The following PJA2 variants were observed in gnomAD, a reference collection of about 807,000 sequenced individuals.
PJA2 encodes the protein E3 ubiquitin-protein ligase Praja-2.
PJA2 carries 25 observed loss-of-function variants against 69.3 expected under a neutral mutation model. That is an observed-to-expected ratio of 0.36 (90% CI 0.26 to 0.50). The LOEUF is 0.50. PJA2 is among the 20% of genes least tolerant of loss of function. PJA2 has a pLI of 0.96. For missense variants in PJA2, 809 were observed against 830.2 expected, an observed-to-expected ratio of 0.97 and a Z score of 0.31; for synonymous variants, 308 against 277.8, an observed-to-expected ratio of 1.11 and a Z score of -1.08.
intron 1 of PJA2, among the ~76,000 whole-genome samples, chr5:109,397,994 T>C (rs936734354): frequency 1.3e-5 from 2 of 152,026 alleles, no homozygotes; most frequent in African/African-American, 4.8e-5. Flanking sequence ...GGGTGAAGGA[T>C]AGGAACAGAC....
rs1747384721 is a variant in PJA2, at chr5:109,395,420, T to C, written c.-87-11900A>G. 1.3e-5 allele frequency among the ~76,000 whole-genome samples: 2 copies of C among 152,022 alleles called. 1 individual carries two copies. Among genetic ancestry groups the C allele is most frequent in the Non-Finnish European group, 2.9e-5 (2 of 68,000 alleles). The stretch of plus-strand genomic sequence containing the variant: ...GGCGTGTGCTGTAGTCCCAGCTACA[T>C]GCGAGGCTGAGGTGGGAGGTCACGT... On this transcript the variant is annotated intron_variant, in intron 1 of 9. Coordinates refer to ENST00000361189, the MANE Select transcript of PJA2 (RefSeq NM_014819.5).
intron 4 of PJA2, among the ~76,000 whole-genome samples, chr5:109,369,876 T>C (rs1051494669): frequency 2.6e-5 from 4 of 151,920 alleles, no homozygotes; most frequent in Admixed American, 6.6e-5. Flanking sequence ...CTACTAAAAA[T>C]ACAAAATTAG....
At chr5:109,386,574 A>T (rs1747163141) in intron 1 of PJA2, among the ~76,000 whole-genome samples, 1 of 152,114 alleles carries the variant, frequency 6.6e-6, no homozygotes, top group African/African-American at 2.4e-5. Context: ...TTAATCAGCT[A>T]CTTCTGTGGA....
intron 1 of PJA2, among the ~76,000 whole-genome samples, chr5:109,395,309 G>C (rs1747382447): frequency 6.6e-6 from 1 of 152,094 alleles, no homozygotes; most frequent in Non-Finnish European, 1.5e-5. Context: ...AAGGTGGATA[G>C]TTTGAGCCCA....
intron 7 of PJA2, among the ~76,000 whole-genome samples, chr5:109,354,499 CA>C (rs1472808908): frequency 1.2e-5 from 1 of 85,198 alleles, no homozygotes; most frequent in African/African-American, 5.1e-5. Context: ...TCTATAATAT[CA>C]TAGATATCTA....
intron 7 of PJA2, among the ~76,000 whole-genome samples, chr5:109,354,462 T>C (rs1762368308): frequency 9.4e-6 from 1 of 106,250 alleles, no homozygotes; most frequent in Non-Finnish European, 2.2e-5. Context: ...ATATCTATGA[T>C]ATCTAGAGAT....
rs1453970597 is a variant in PJA2 at position 109,356,002 on chromosome 5, T to C, written c.1677A>G (p.Gly559=). Residue 559 remains glycine, a synonymous_variant, in exon 7 of 10, where the codon GGA becomes GGG. Coordinates refer to ENST00000361189, the MANE Select transcript of PJA2 (RefSeq NM_014819.5). ...ATGAAATAGCTTCAGCAACTCCTAG[T>C]CCATCTGCAAAGCCATCAAATAGGC... The part of the protein sequence containing the change: ...DWSLFDGFAD[G]LGVAEAISYV... 7.4e-6 allele frequency: 12 copies of C among 1,611,828 alleles called. No individual in the cohort carries two copies. The highest frequency in any genetic ancestry group is 1.0e-5 in the Non-Finnish European group (12 of 1,179,518).
At position 109,353,086 on chromosome 5, in the gene PJA2, A is replaced by G. The variant is rs190359687; in HGVS notation, c.1764+2829T>C. On this transcript the variant is annotated intron_variant, in intron 7 of 9. Transcript: ENST00000361189. Reference sequence around the variant, plus strand: ...TATATTAGATACCTATTATATCTATAGACATCTATATATTAGATACCTATA... The same window carrying G: ...TATATTAGATACCTATTATATCTATGGACATCTATATATTAGATACCTATA... Among the ~76,000 whole-genome samples, 132 of 145,996 alleles carry G rather than the reference A, an allele frequency of 9.0e-4. 1 individual carries two copies. The highest frequency in any genetic ancestry group is 7.8e-3 in the Admixed American group (112 of 14,430).
chr5:109,356,071 T>G, intron 6 of PJA2, 45 bp from the exon 7 acceptor site: 1 of 1,311,134 alleles, frequency 7.6e-7, no homozygotes, highest in Non-Finnish European at 1.1e-6. Flanking sequence ...CACTATGATT[T>G]GGGAAATCTT....
chr5:109,378,556 C>T lies in PJA2; in HGVS notation c.931G>A (p.Glu311Lys). Residue 311 changes from glutamate to lysine, a missense_variant, in exon 4 of 10, where the codon GAA becomes AAA. Coordinates refer to ENST00000361189, the MANE Select transcript of PJA2 (RefSeq NM_014819.5). ...CTAACTTTTGGCCTCACTACCTGTT[C>T]AGGAGAACTTCCATGGTTCTTTTCC... The part of the protein sequence containing the change: ...DREKNHGSSP[E>K]QVVRPKVRKL... 6.2e-7 allele frequency: 1 copy of T among 1,614,158 alleles called. No homozygotes were observed. The highest frequency in any genetic ancestry group is 8.5e-7 in the Non-Finnish European group (1 of 1,180,022).
In PJA2 at chr5:109,378,312, T is replaced by C. The variant is rs1746942152; in HGVS notation, c.1175A>G (p.Asn392Ser). The change falls in exon 4 of 10, where the codon AAC (asparagine) becomes AGC (serine). Residue 392 changes from asparagine to serine, a missense_variant. Asn to Ser is a conservative substitution (Grantham distance 46). Around this residue, in one of 4 missense-constraint regions of PJA2, gnomAD observed 700 missense variants for 639.5 expected, o/e 1.09. Transcript: ENST00000361189. ...GGCTCCACTTTCTGATGTCATTTGGTTATTTTCTGTTTCCCTTTGTGTAAT... is the reference window on the plus strand; with the variant it reads ...GGCTCCACTTTCTGATGTCATTTGGCTATTTTCTGTTTCCCTTTGTGTAAT... The part of the protein sequence containing the change: ...RVITQRETEN[N>S]QMTSESGATA... 6.2e-7 allele frequency: 1 copy of C among 1,614,154 alleles called. No individual in the cohort carries two copies. Among genetic ancestry groups the C allele is most frequent in the East Asian group, 2.2e-5 (1 of 44,878 alleles).
chr5:109,369,374 G>A (rs976582674), intron 4 of PJA2, among the ~76,000 whole-genome samples: 2 of 152,080 alleles, frequency 1.3e-5, no homozygotes, highest in African/African-American at 2.4e-5. Flanking sequence ...GGCAAGTTAT[G>A]GAATATATCA....
At chr5:109,373,453 T>A (rs1262855115) in intron 4 of PJA2, among the ~76,000 whole-genome samples, 1 of 152,006 alleles carries the variant, frequency 6.6e-6, no homozygotes, top group Non-Finnish European at 1.5e-5. Context: ...ATAAGAAAAT[T>A]CACATTTACA....
intron 3 of PJA2, among the ~76,000 whole-genome samples, chr5:109,380,985 A>T (rs185776291): frequency 6.6e-6 from 1 of 151,608 alleles, no homozygotes; most frequent in East Asian, 2.0e-4. Context: ...TGCAGTGACA[A>T]ACACCTGTAA....
intron 1 of PJA2, 22 bp downstream of exon 1, chr5:109,409,817 GAAA>G (rs57525773): frequency 1.4e-4 from 16 of 112,544 alleles, no homozygotes; most frequent in South Asian, 5.2e-4. Context: ...AAGCCAGACT[GAAA>G]AAAAAAAAAA....
At chr5:109,350,724 G>C (rs1762236290) in intron 7 of PJA2, among the ~76,000 whole-genome samples, 1 of 152,120 alleles carries the variant, frequency 6.6e-6, no homozygotes, top group Admixed American at 6.6e-5. Flanking sequence ...AATTGTCCAA[G>C]GTCACACAGC....
At chr5:109,390,711 T>TA (rs1747263211) in intron 1 of PJA2, 1 of 152,120 alleles carries the variant, frequency 6.6e-6, no homozygotes, top group African/African-American at 2.4e-5. Context: ...TTTCATCTGC[T>TA]AGCTTTTTTG....
chr5:109,378,076 A>T (rs1312181534), intron 4 of PJA2, 128 bp downstream of exon 4: 6 of 673,316 alleles, frequency 8.9e-6, no homozygotes, highest in Non-Finnish European at 1.5e-5. Flanking sequence ...TCAGTAAATA[A>T]AAATATTTGG....
intron 4 of PJA2, among the ~76,000 whole-genome samples, chr5:109,370,298 T>G (rs1762655413): frequency 2.0e-5 from 3 of 152,172 alleles, no homozygotes; most frequent in Admixed American, 2.0e-4. Context: ...TTTACATTTT[T>G]GAAAGGAAGT....
Sources: gnomAD v4.1 joint callset for allele counts (sites outside exome capture counted in the v4.1 genomes callset) on GRCh38, gnomAD v4.1.1 for gene constraint, gnomAD v4.1.1 regional missense constraint, MANE v1.5 for transcripts, NCBI Gene and HGNC (gene_info 2026-07-23, HGNC 2026-07-21) for gene names.